Variants in PCDHA1 observed in about 807,000 individuals in gnomAD.
PCDHA1 encodes protocadherin alpha 1.
Under a neutral mutation model 61.3 loss-of-function variants are expected in PCDHA1, and 42 were observed. The ratio of observed to expected loss-of-function variants is 0.69; its 90% CI spans 0.54 to 0.89. The LOEUF is 0.89. Ranked by LOEUF, PCDHA1 falls within the 40% of genes least tolerant of loss-of-function variation. The pLI, the probability that PCDHA1 is intolerant of heterozygous loss-of-function variation, is 0.00. For missense variants in PCDHA1, 1,256 were observed against 1,235.3 expected (o/e 1.02, Z -0.25); for synonymous variants, 610 against 553.8 (o/e 1.10, Z -1.43).
chr5:140,875,401 G>T, intron 1 of PCDHA1: 1 of 1,487,486 alleles, frequency 6.7e-7, no homozygotes, highest in Non-Finnish European at 8.9e-7. Context: ...AAGGGTGACT[G>T]CTCATAAAAT....
rs2150465616 is a variant in PCDHA1, at chr5:140,850,062, T to C, written c.2394+61378T>C. ...CGGCAAGGTGTACGCGCTGCAGCCG[T>C]TGGACCACGAGGAGCTGGAGCTGCT... On this transcript the variant is annotated intron_variant, in intron 1 of 3. Transcript: ENST00000504120. 1.4e-4 allele frequency: 229 copies of C among 1,596,236 alleles called. 16 individuals are homozygous for C. The highest frequency in any genetic ancestry group is 1.1e-3 in the East Asian group (50 of 44,828).
Position 140,829,552 on chromosome 5 carries a change from C to T in PCDHA1, c.2394+40868C>T, listed in dbSNP as rs1302023406. ...CGCGAGACGCGGACGCGCAGGAGAA[C>T]GCGCTGGTGTCCTACTCGCTGGTGG... On this transcript the variant is annotated intron_variant, in intron 1 of 3. Transcript: ENST00000504120. The T allele has an allele frequency of 3.1e-6, 5 of 1,612,754 alleles. No individual in the cohort carries two copies. In the Admixed American group the frequency reaches 6.7e-5, roughly 22 times the overall value.
At chr5:140,982,359 C>T in intron 2 of PCDHA1, 116 bp from the exon 3 acceptor site, 1 of 1,523,712 alleles carries the variant, frequency 6.6e-7, no homozygotes. Context: ...CAAGCATGAG[C>T]AGAATGTGTT....
Position 140,841,637 on chromosome 5 carries a change from C to G in PCDHA1, c.2394+52953C>G, listed in dbSNP as rs2150319876. The G allele has an allele frequency of 4.3e-6, 7 of 1,614,008 alleles. No individual in the cohort carries two copies. Among genetic ancestry groups the G allele is most frequent in the Admixed American group, 3.3e-5 (2 of 59,990 alleles). ...GCGGAGCGCGGAGTGCAGCATCCAC[C>G]TGGAGGTGATCGTGGACAGGCCGCT... On this transcript the variant is annotated intron_variant, in intron 1 of 3. Coordinates refer to ENST00000504120, the MANE Select transcript of PCDHA1 (RefSeq NM_018900.4).
At position 140,796,863 on chromosome 5, in the gene PCDHA1, G is replaced by T. The variant is rs137893224; in HGVS notation, c.2394+8179G>T. 91 of 1,614,074 alleles carry T rather than the reference G, an allele frequency of 5.6e-5. 1 individual carries two copies. In the African/African-American group the frequency reaches 1.1e-3, roughly 19 times the overall value. ...GGCTATACACGGGTGAGATCAGCAC[G>T]ACACGTGCCCTAGACGAGGCTGACT... On this transcript the variant is annotated intron_variant, in intron 1 of 3. Transcript: ENST00000504120.
intron 1 of PCDHA1, among the ~76,000 whole-genome samples, chr5:140,942,616 T>C (rs2093340049): frequency 1.0e-5 from 1 of 99,878 alleles, no homozygotes. Context: ...TATTTGCCAA[T>C]TGTAAAAAAA....
At chr5:140,822,402 A>G (rs2150116110) in intron 1 of PCDHA1, 3 of 1,614,150 alleles carry the variant, frequency 1.9e-6, no homozygotes, top group Non-Finnish European at 2.5e-6. Context: ...AACACCGTTT[A>G]TTAGTGATTG....
In PCDHA1 at chr5:140,852,980, G is replaced by A. The variant is rs2150526808; in HGVS notation, c.2394+64296G>A. The A allele has an allele frequency of 1.0e-4, 36 of 347,518 alleles. 1 individual carries two copies. The highest frequency in any genetic ancestry group is 1.4e-4 in the Non-Finnish European group (33 of 236,394). 21.5% of individuals were successfully genotyped at this position (347,518 alleles called of 1,614,324 possible). A position where few individuals can be genotyped will look rare whatever the true frequency, so the allele number is the denominator to read the frequency against. The stretch of plus-strand genomic sequence containing the variant: ...TCCAAGCTCCCCCTCCCGTGTTCAC[G>A]CCATTCTCCTGCCTCAGCCTCCCGA... On this transcript the variant is annotated intron_variant, in intron 1 of 3. Transcript: ENST00000504120.
intron 1 of PCDHA1, among the ~76,000 whole-genome samples, chr5:140,793,090 A>T (rs552249231): frequency 6.6e-6 from 1 of 152,378 alleles, no homozygotes; most frequent in Admixed American, 6.5e-5. Flanking sequence ...AGGAAGTAAT[A>T]TCCAGGATTT....
chr5:140,856,162 C>T (rs782071685), intron 1 of PCDHA1: 7 of 1,598,320 alleles, frequency 4.4e-6, no homozygotes, highest in Non-Finnish European at 6.0e-6. Context: ...ACGAGGAGGC[C>T]AGACACGGCA....
rs2150377192 is a variant in PCDHA1, at chr5:140,845,186, A to C, written c.2394+56502A>C. On this transcript the variant is annotated intron_variant, in intron 1 of 3. Transcript: ENST00000504120. ...TTGTTTTCATTTTAGTCCTTTAAAAAATATGATTGTTTTCATTTAAGTCCT... is the reference window on the plus strand; with the variant it reads ...TTGTTTTCATTTTAGTCCTTTAAAACATATGATTGTTTTCATTTAAGTCCT... 3.3e-5 allele frequency among the ~76,000 whole-genome samples: 5 copies of C among 149,420 alleles called. 1 individual carries two copies. The highest frequency in any genetic ancestry group is 7.5e-5 in the Non-Finnish European group (5 of 66,806).
chr5:140,871,364 G>A lies in PCDHA1; in HGVS notation c.2394+82680G>A, dbSNP rs113722940. ...AGCTGGTCATACTCGCAGCAGAGGC[G>A]GCAGAGGGTGTGCTCTGAGGAGGGC... On this transcript the variant is annotated intron_variant, in intron 1 of 3. Transcript: ENST00000504120. The A allele has an allele frequency of 2.5e-5, 40 of 1,614,220 alleles. 1 individual carries two copies. The highest frequency in any genetic ancestry group is 2.0e-4 in the African/African-American group (15 of 75,074).
intron 1 of PCDHA1, among the ~76,000 whole-genome samples, chr5:140,837,714 C>G (rs1488550571): frequency 1.3e-5 from 2 of 151,510 alleles, no homozygotes; most frequent in African/African-American, 2.4e-5. Flanking sequence ...CACTCCATCA[C>G]CCAGGCTGCT....
rs17844240 is a variant in PCDHA1, at chr5:140,788,467, C to G, written c.2177C>G (p.Pro726Arg). Residue 726 changes from proline to arginine, a missense_variant, in exon 1 of 4, where the codon CCG becomes CGG. Transcript: ENST00000504120. ...LLYTALRCSVPPTEGAYVPGK... is the reference protein window; with the variant it reads ...LLYTALRCSVRPTEGAYVPGK... ...TACACGGCGCTGCGGTGCTCAGTGC[C>G]GCCCACTGAGGGTGCGTATGTGCCG... 2.2e-3 allele frequency: 3,488 copies of G among 1,614,106 alleles called. 53 individuals are homozygous for G. In the East Asian group the frequency reaches 0.036, roughly 17 times the overall value.
At chr5:140,878,399 A>T (rs1246599611) in intron 1 of PCDHA1, among the ~76,000 whole-genome samples, 2 of 152,238 alleles carry the variant, frequency 1.3e-5, no homozygotes, top group East Asian at 3.8e-4. Flanking sequence ...TTGCTCACAA[A>T]ATATCTTCTT....
At chr5:140,836,935 T>C in intron 1 of PCDHA1, 1 of 475,564 alleles carries the variant, frequency 2.1e-6, no homozygotes. Context: ...CGTAATACTA[T>C]AGATCAAAAT....
chr5:140,955,036 T>C (rs2095128891), intron 1 of PCDHA1, among the ~76,000 whole-genome samples: 1 of 152,210 alleles, frequency 6.6e-6, no homozygotes, highest in Non-Finnish European at 1.5e-5. Context: ...AGGGAATCTT[T>C]TCCTCATTGC....
At chr5:140,953,254 C>A (rs1483553184) in intron 1 of PCDHA1, among the ~76,000 whole-genome samples, 3 of 152,098 alleles carry the variant, frequency 2.0e-5, no homozygotes, top group Non-Finnish European at 2.9e-5. Flanking sequence ...CAGTTTAGTT[C>A]TTTTAGCTTT....
At chr5:140,850,104 G>A (rs2150467227) in intron 1 of PCDHA1, 1 of 1,596,106 alleles carries the variant, frequency 6.3e-7, no homozygotes, top group Non-Finnish European at 8.6e-7. Flanking sequence ...CCAGGTGAGC[G>A]CGCGCGACGC....
Sources: allele counts gnomAD v4.1 joint callset (sites outside exome capture counted in the v4.1 genomes callset), GRCh38; gene constraint gnomAD v4.1.1; transcripts MANE v1.5; gene names NCBI Gene and HGNC (gene_info 2026-07-23, HGNC 2026-07-21).